The following DNAH1 variants were observed in gnomAD, a reference collection of about 807,000 sequenced individuals.
The protein encoded by DNAH1 is axonemal beta dynein heavy chain 1.
A neutral mutation model predicts 484.3 loss-of-function variants in DNAH1; 327 were observed. The observed-to-expected ratio is 0.68, with a 90% CI of 0.62 to 0.74. DNAH1 has a LOEUF of 0.74. DNAH1 is among the 30% of genes least tolerant of loss of function. The pLI is 0.00. For synonymous variants in DNAH1, 2,192 were observed against 2,191.9 expected, an observed-to-expected ratio of 1.00 and a Z score of 0.00; for missense variants, 5,052 against 5,546.8, an observed-to-expected ratio of 0.91 and a Z score of 2.83.
chr3:52,390,909 C>G, intron 60 of DNAH1, 26 bp from the exon 61 acceptor site: 1 of 1,551,358 alleles, frequency 6.4e-7, no homozygotes, highest in Non-Finnish European at 8.7e-7. Context: ...AAGCTCTGAC[C>G]CAGTCCAGTG....
upstream of DNAH1, among the ~76,000 whole-genome samples, chr3:52,311,958 C>T (rs1210861225): frequency 6.6e-6 from 1 of 152,218 alleles, no homozygotes; most frequent in Admixed American, 6.5e-5. Context: ...GCCCCATTAT[C>T]CTGCACCTGC....
chr3:52,337,999 G>T (rs1405269775), intron 8 of DNAH1, among the ~76,000 whole-genome samples: 1 of 151,914 alleles, frequency 6.6e-6, no homozygotes, highest in Non-Finnish European at 1.5e-5. Context: ...TCCCTATGTT[G>T]CCCAGCCTGG....
chr3:52,363,093 T>A lies in DNAH1; in HGVS notation c.5193T>A (p.Ala1731=). 6.2e-7 allele frequency: 1 copy of A among 1,613,980 alleles called. No individual in the cohort carries two copies. The highest frequency in any genetic ancestry group is 1.1e-5 in the South Asian group (1 of 91,086). Residue 1731 remains alanine, a synonymous_variant, in exon 32 of 78, where the codon GCT becomes GCA. Coordinates refer to ENST00000420323, the MANE Select transcript of DNAH1 (RefSeq NM_015512.5). The part of the protein sequence containing the change: ...SFGFNEASVL[A]KKITTTFKLS... ...GCTTTAATGAGGCCAGTGTGCTGGC[T>A]AAGAAGATCACAACCACCTTCAAGC...
At chr3:52,384,699 G>A (rs748720675) in intron 52 of DNAH1, 87 bp from the exon 53 acceptor site, 338 of 1,380,098 alleles carry the variant, frequency 2.4e-4, no homozygotes, top group Non-Finnish European at 3.2e-4. Context: ...CCCCCTCCTC[G>A]GCCCAGGTTG....
At position 52,327,935 on chromosome 3, in the gene DNAH1, G is replaced by A. The variant is rs1400886110; in HGVS notation, c.792G>A (p.Met264Ile). ...GGACTCCCAGAGAGTGGATCAACAT[G>A]GGCTTGGAGCCAGGGTCTCTGGACA... ...DCRTPREWIN[M>I]GLEPGSLDRK... Residue 264 changes from methionine (M) to isoleucine (I), a missense_variant, in exon 6 of 78, where the codon ATG (methionine) becomes ATA (isoleucine). Met to Ile is a conservative substitution (Grantham distance 10). Coordinates refer to ENST00000420323, the MANE Select transcript of DNAH1 (RefSeq NM_015512.5). 6.2e-7 allele frequency: 1 copy of A among 1,614,026 alleles called. No individual in the cohort carries two copies. The highest frequency in any genetic ancestry group is 2.2e-5 in the East Asian group (1 of 44,882).
In DNAH1 at chr3:52,386,144, T is replaced by A. The variant is rs376202473; in HGVS notation, c.8626-16T>A. The A allele has an allele frequency of 1.2e-6, 2 of 1,606,044 alleles. No individual in the cohort carries two copies. Among genetic ancestry groups the A allele is most frequent in the Non-Finnish European group, 1.7e-6 (2 of 1,174,912 alleles). ...GAGAAAAGGGGGGAGGACATCCCTA[T>A]GTCTCCCATCCCCAGGTGGATACGG... is the stretch of plus-strand genomic sequence containing the variant. On this transcript the variant is annotated splice_polypyrimidine_tract_variant and intron_variant, in intron 54 of 77. Transcript: ENST00000420323.
chr3:52,354,199 G>A (rs1461316929), intron 20 of DNAH1, among the ~76,000 whole-genome samples: 1 of 152,068 alleles, frequency 6.6e-6, no homozygotes, highest in Non-Finnish European at 1.5e-5. Context: ...CAAAAAAACA[G>A]ATAAATCAAT....
rs765302742 is a variant in DNAH1 at position 52,344,553 on chromosome 3, C to A, written c.1350C>A (p.Asn450Lys). ...EVSLDYERSMNKINFDHVVSS... is the reference protein window; with the variant it reads ...EVSLDYERSMKKINFDHVVSS... The stretch of plus-strand genomic sequence containing the variant: ...GCCTGGACTATGAGCGCAGCATGAA[C>A]AAGATCAACTTTGACCACGTTGTCT... Residue 450 changes from asparagine (N) to lysine (K), a missense_variant, in exon 9 of 78, where the codon AAC becomes AAA. This residue lies in a region of DNAH1 where 1,263 missense variants were observed against 1,218.8 expected (regional missense o/e 1.04). Coordinates refer to ENST00000420323, the MANE Select transcript of DNAH1 (RefSeq NM_015512.5). 6.2e-7 allele frequency: 1 copy of A among 1,614,042 alleles called. No homozygotes were observed. The highest frequency in any genetic ancestry group is 1.1e-5 in the South Asian group (1 of 91,090).
chr3:52,356,360 G>A (rs1002289229), intron 21 of DNAH1, among the ~76,000 whole-genome samples: 1 of 152,164 alleles, frequency 6.6e-6, no homozygotes, highest in Non-Finnish European at 1.5e-5. Context: ...CAGCTCCCCC[G>A]GCTCCTTTGG....
At chr3:52,338,191 C>G (rs1450564558) in intron 8 of DNAH1, among the ~76,000 whole-genome samples, 1 of 152,174 alleles carries the variant, frequency 6.6e-6, no homozygotes, top group African/African-American at 2.4e-5. Flanking sequence ...TCACTGCAAC[C>G]TCTGCCTCCC....
In DNAH1 at chr3:52,332,195, T is replaced by C. The variant is rs200013928; in HGVS notation, c.1087T>C (p.Phe363Leu). The C allele has an allele frequency of 9.0e-5, 145 of 1,602,706 alleles. No homozygotes were observed. In the African/African-American group the frequency reaches 1.7e-3, roughly 19 times the overall value. ...QYWVPRIQLL[F>L]CAEDPCMFAQ... ...CTGGGTGCCACGGATCCAGCTTCTC[T>C]TCTGCGCTGAGGACCCTTGCATGTT... Residue 363 changes from phenylalanine (F) to leucine (L), a missense_variant, in exon 8 of 78, where the codon TTC becomes CTC. By Grantham distance (22) the Phe-to-Leu change is conservative (BLOSUM62 0). This residue lies in a region of DNAH1 where 1,263 missense variants were observed against 1,218.8 expected (regional missense o/e 1.04). Transcript: ENST00000420323.
At position 52,362,529 on chromosome 3, in the gene DNAH1, A is replaced by G. The variant is rs1177490803; in HGVS notation, c.5094+28A>G. 11 of 1,593,624 alleles carry G rather than the reference A, an allele frequency of 6.9e-6. No individual in the cohort carries two copies. Among genetic ancestry groups the G allele is most frequent in the Non-Finnish European group, 9.4e-6 (11 of 1,166,394 alleles). Reference sequence around the variant, plus strand: ...AAGTGCAGGCCCAGAGTGGCCCAGGAAGCACCAGAGCTCTAGCCTGAGTTC... The same window carrying G: ...AAGTGCAGGCCCAGAGTGGCCCAGGGAGCACCAGAGCTCTAGCCTGAGTTC... On this transcript the variant is annotated intron_variant, in intron 31 of 77. Coordinates refer to ENST00000420323, the MANE Select transcript of DNAH1 (RefSeq NM_015512.5). The surrounding 1 kb of genome is among the most constrained non-coding windows in gnomAD (Gnocchi z 5.1).
chr3:52,332,032 A>G, intron 7 of DNAH1, 110 bp from the exon 8 acceptor site: 7 of 1,381,152 alleles, frequency 5.1e-6, no homozygotes, highest in South Asian at 2.8e-5. Flanking sequence ...GAAGAGGGAA[A>G]CAATTTGTTC....
Position 52,378,497 on chromosome 3 carries a change from G to T in DNAH1, c.7199-105G>T, listed in dbSNP as rs987657093. 11 of 1,253,512 alleles carry T rather than the reference G, an allele frequency of 8.8e-6. No homozygotes were observed. In the East Asian group the frequency reaches 2.6e-4, roughly 29 times the overall value. 77.6% of individuals were successfully genotyped at this position (1,253,512 alleles called of 1,614,324 possible). ...TCCAAGCCTGAAGGCTGGGGAAGGG[G>T]CTTGGTGGGGGGCACAGCACAGCAA... On this transcript the variant is annotated intron_variant, in intron 46 of 77. Coordinates refer to ENST00000420323, the MANE Select transcript of DNAH1 (RefSeq NM_015512.5).
rs749995638 is a variant in DNAH1, at chr3:52,397,054, G to A, written c.11787+10G>A. 6.3e-7 allele frequency: 1 copy of A among 1,591,454 alleles called. No homozygotes were observed. The highest frequency in any genetic ancestry group is 1.8e-5 in the Admixed American group (1 of 56,932). ...TACCTACGACCTCCACGTGAGTCCA[G>A]CCCAAAGGGCTGCACAGGAGGGGCC... On this transcript the variant is annotated intron_variant, in intron 73 of 77. Transcript: ENST00000420323.
At chr3:52,367,356 G>A (rs1174496268) in intron 36 of DNAH1, among the ~76,000 whole-genome samples, 1 of 152,076 alleles carries the variant, frequency 6.6e-6, no homozygotes, top group Non-Finnish European at 1.5e-5. Flanking sequence ...TTCTCTGCTG[G>A]GGGTGTCTGC....
chr3:52,375,440 A>C (rs1342500336), intron 45 of DNAH1, 27 bp downstream of exon 45: 1 of 1,602,518 alleles, frequency 6.2e-7, no homozygotes, highest in East Asian at 2.2e-5. Context: ...GTGAGCATGG[A>C]CAAAGGCAGA....
In DNAH1 at chr3:52,391,436, A is replaced by G. The variant is rs778937343; in HGVS notation, c.9892-7A>G. ...GCCACAGTACCCACCGGTCCCACCC[A>G]CCACAGACGTACAAGCAGCAGGGAA... is the stretch of plus-strand genomic sequence containing the variant. On this transcript the variant is annotated splice_polypyrimidine_tract_variant and splice_region_variant and intron_variant, in intron 62 of 77. Transcript: ENST00000420323. The G allele has an allele frequency of 6.2e-7, 1 of 1,607,360 alleles. No individual in the cohort carries two copies. Among genetic ancestry groups the G allele is most frequent in the East Asian group, 2.2e-5 (1 of 44,494 alleles).
At position 52,392,873 on chromosome 3, in the gene DNAH1, T is replaced by G; in HGVS notation, c.10322T>G (p.Leu3441Arg). 1 of 1,574,266 alleles carries G rather than the reference T, an allele frequency of 6.4e-7. No homozygotes were observed. The highest frequency in any genetic ancestry group is 8.6e-7 in the Non-Finnish European group (1 of 1,159,876). The change falls in exon 65 of 78, where the codon CTG (leucine) becomes CGG (arginine). Residue 3441 changes from leucine to arginine, a missense_variant. Coordinates refer to ENST00000420323, the MANE Select transcript of DNAH1 (RefSeq NM_015512.5). ...GAGCAGACGGAGAAGGACATCGACC[T>G]GACGCGCATGGAGTACATACCCGTG... ...IAEQTEKDID[L>R]TRMEYIPVAI...
Sources: allele counts gnomAD v4.1 joint callset (sites outside exome capture counted in the v4.1 genomes callset), GRCh38; gene constraint gnomAD v4.1.1; regional missense constraint gnomAD v4.1.1; non-coding constraint Gnocchi (gnomAD v3.1); transcripts MANE v1.5; gene names NCBI Gene and HGNC (gene_info 2026-07-23, HGNC 2026-07-21).